The following STX3 variants were observed in gnomAD, a reference collection of about 807,000 sequenced individuals.
STX3 encodes the protein syntaxin 3, also known as syntaxin-3.
In STX3, 19 loss-of-function variants were observed where a neutral mutation model predicts 40.2. That is an observed-to-expected ratio of 0.47 (90% CI 0.33 to 0.69). The LOEUF (loss-of-function observed/expected upper bound fraction) is 0.69, where lower values mean the gene tolerates loss of function less well. STX3 is among the 30% of genes least tolerant of loss of function. STX3 has a pLI of 0.02. For synonymous variants in STX3, 122 were observed against 132.2 expected, an observed-to-expected ratio of 0.92 and a Z score of 0.53; for missense variants, 364 against 366.7, an observed-to-expected ratio of 0.99 and a Z score of 0.06.
chr11:59,773,977 CAA>C (rs5792160), intron 2 of STX3, among the ~76,000 whole-genome samples: 3,971 of 81,440 alleles, frequency 0.049, 158 homozygotes, highest in African/African-American at 0.13. Flanking sequence ...CTCACACACA[CAA>C]AAAAAAAAAA....
intron 1 of STX3, 113 bp downstream of exon 1, chr11:59,755,748 C>T: frequency 7.4e-7 from 1 of 1,351,574 alleles, no homozygotes; most frequent in Non-Finnish European, 9.7e-7. Context: ...GGCTTGCCCT[C>T]CCCAAGCCCC....
intron 1 of STX3, among the ~76,000 whole-genome samples, chr11:59,756,818 C>T (rs559714883): frequency 1.3e-5 from 2 of 152,276 alleles, no homozygotes; most frequent in East Asian, 1.9e-4. Flanking sequence ...GTGCATGGCA[C>T]GGGGGACTTA....
At chr11:59,758,185 G>A (rs1443358120) in intron 1 of STX3, among the ~76,000 whole-genome samples, 3 of 152,132 alleles carry the variant, frequency 2.0e-5, no homozygotes, top group Admixed American at 6.5e-5. Context: ...GTAAGAAAGC[G>A]TTTTTAGTAG....
intron 1 of STX3, among the ~76,000 whole-genome samples, chr11:59,760,744 G>T (rs1446657066): frequency 6.6e-6 from 1 of 152,198 alleles, no homozygotes; most frequent in East Asian, 1.9e-4. Context: ...ACAAGTGAAG[G>T]AATTGAGTCT....
Position 59,795,495 on chromosome 11 carries a change from T to C in STX3, c.786+13T>C, listed in dbSNP as rs771248046. ...TCAGGCCCGGAAGGTGAGACTCTCC[T>C]GTGGCCTTCAGAGAAGAGAGTCCAT... On this transcript the variant is annotated intron_variant, in intron 9 of 10. Coordinates refer to ENST00000337979, the MANE Select transcript of STX3 (RefSeq NM_004177.5). 36 of 1,605,680 alleles carry C rather than the reference T, an allele frequency of 2.2e-5. No homozygotes were observed. Among genetic ancestry groups the C allele is most frequent in the Non-Finnish European group, 3.0e-5 (35 of 1,175,922 alleles).
chr11:59,766,109 G>A (rs994945604), intron 1 of STX3, among the ~76,000 whole-genome samples: 1 of 152,150 alleles, frequency 6.6e-6, no homozygotes, highest in Non-Finnish European at 1.5e-5. Context: ...TGGGCTTTCT[G>A]CCTTGTCCTG....
chr11:59,799,086 T>C (rs1352337857), intron 10 of STX3, among the ~76,000 whole-genome samples: 1 of 151,780 alleles, frequency 6.6e-6, no homozygotes, highest in Admixed American at 6.6e-5. Flanking sequence ...GATGGAGTTT[T>C]GCCATGTCAC....
chr11:59,775,860 G>A (rs969235893), intron 2 of STX3, among the ~76,000 whole-genome samples: 2 of 152,266 alleles, frequency 1.3e-5, no homozygotes, highest in Admixed American at 6.5e-5. Context: ...GAAAAACCCC[G>A]TGAAACTTAT....
chr11:59,757,706 A>G (rs902668085), intron 1 of STX3, among the ~76,000 whole-genome samples: 2 of 152,276 alleles, frequency 1.3e-5, no homozygotes, highest in Middle Eastern at 3.4e-3. Context: ...AAAGGGACAC[A>G]GGTGGCAGGT....
intron 1 of STX3, 74 bp from the exon 2 acceptor site, chr11:59,773,137 A>G (rs1266866861): frequency 2.1e-6 from 3 of 1,409,042 alleles, no homozygotes; most frequent in Non-Finnish European, 3.0e-6. Flanking sequence ...AGTTCCTAGT[A>G]CTTCGTGAGC....
chr11:59,756,844 T>C (rs1033826188), intron 1 of STX3, among the ~76,000 whole-genome samples: 5 of 152,214 alleles, frequency 3.3e-5, no homozygotes, highest in Non-Finnish European at 7.3e-5. Context: ...TGGTGAAATA[T>C]GCTAATAACT....
In STX3 at chr11:59,802,795, C is replaced by T. The variant is rs482356; in HGVS notation, c.*1971C>T. ...TTCAGGTTTTAGAATGCAGTTCACA[C>T]CTTTTTAAGCCATGTGCTGGATCAG... On this transcript the variant is annotated 3_prime_UTR_variant, in exon 11 of 11. Coordinates refer to ENST00000337979, the MANE Select transcript of STX3 (RefSeq NM_004177.5). 80,234 of 987,008 alleles carry T rather than the reference C, an allele frequency of 0.081. 6,478 individuals carry two copies. Among genetic ancestry groups the T allele is most frequent in the African/African-American group, 0.4 (22,713 of 57,370 alleles). The allele number at this position is 987,008 out of a possible 1,614,324, so 61.1% of individuals were successfully genotyped here.
chr11:59,794,065 A>G (rs1030450142), intron 8 of STX3, among the ~76,000 whole-genome samples: 1 of 152,128 alleles, frequency 6.6e-6, no homozygotes, highest in Non-Finnish European at 1.5e-5. Context: ...CAGGTTTAAC[A>G]TAAATTTTTA....
At chr11:59,760,129 G>T (rs1423890676) in intron 1 of STX3, among the ~76,000 whole-genome samples, 1 of 152,102 alleles carries the variant, frequency 6.6e-6, no homozygotes, top group Non-Finnish European at 1.5e-5. Flanking sequence ...CCCATCAGCC[G>T]GAGGCCAGAA....
chr11:59,754,827 T>G (rs1332124807), upstream of STX3: 1 of 152,196 alleles, frequency 6.6e-6, no homozygotes, highest in Non-Finnish European at 1.5e-5. Flanking sequence ...GCGGTCCCGA[T>G]TTCCAACAAG....
intron 2 of STX3, among the ~76,000 whole-genome samples, chr11:59,777,016 C>T (rs186394048): frequency 6.6e-6 from 1 of 152,190 alleles, no homozygotes; most frequent in Non-Finnish European, 1.5e-5. Flanking sequence ...TATTTGAGCG[C>T]TTACTGTCTT....
chr11:59,772,142 A>G (rs1863686761), intron 1 of STX3, among the ~76,000 whole-genome samples: 2 of 152,196 alleles, frequency 1.3e-5, no homozygotes, highest in Non-Finnish European at 1.5e-5. Context: ...CGAGAGTGCT[A>G]TATCTTGGAC....
Position 59,793,493 on chromosome 11 carries a change from C to G in STX3, c.654C>G (p.Ile218Met). The change falls in exon 8 of 11, where the codon ATC becomes ATG. Residue 218 changes from isoleucine to methionine, a missense_variant. By Grantham distance (10) the Ile-to-Met change is conservative. Coordinates refer to ENST00000337979, the MANE Select transcript of STX3 (RefSeq NM_004177.5). ...IKELHDMFMD[I>M]AMLVENQGEM... ...AGCTTCACGACATGTTTATGGACAT[C>G]GCCATGCTGGTGGAGAATCAGGTAA... The G allele has an allele frequency of 6.2e-7, 1 of 1,613,682 alleles. No homozygotes were observed.
Position 59,755,403 on chromosome 11 carries a change from G to C in STX3, c.-203G>C. The C allele has an allele frequency of 2.4e-6, 1 of 421,748 alleles. No homozygotes were observed. The highest frequency in any genetic ancestry group is 3.9e-6 in the Non-Finnish European group (1 of 255,578). 26.1% of individuals were successfully genotyped at this position (421,748 alleles called of 1,614,324 possible). On this transcript the variant is annotated 5_prime_UTR_variant, in exon 1 of 11. Transcript: ENST00000337979. Reference sequence around the variant, plus strand: ...ATTTGGAGCGCGAGGCGCCGGTGGGGGCGGAGGGGGCTGCGCGGCGGAGGC... The same window carrying C: ...ATTTGGAGCGCGAGGCGCCGGTGGGCGCGGAGGGGGCTGCGCGGCGGAGGC...
Sources: gnomAD v4.1 joint callset for allele counts (sites outside exome capture counted in the v4.1 genomes callset) on GRCh38, gnomAD v4.1.1 for gene constraint, MANE v1.5 for transcripts, NCBI Gene and HGNC (gene_info 2026-07-23, HGNC 2026-07-21) for gene names.